Variants in UVRAG observed in about 807,000 individuals in gnomAD.
UVRAG encodes the protein UV radiation resistance associated.
A neutral mutation model predicts 78.0 loss-of-function variants in UVRAG; 19 were observed. The ratio of observed to expected loss-of-function variants is 0.24; its 90% CI spans 0.17 to 0.36. The LOEUF (loss-of-function observed/expected upper bound fraction) is 0.36. Ranked by LOEUF, UVRAG falls within the 10% of genes least tolerant of loss-of-function variation. The probability of loss-of-function intolerance (pLI) is 1.00; values close to 1 mark genes in which losing one functional copy is unlikely to be tolerated. For missense variants in UVRAG, 740 were observed against 853.8 expected, an observed-to-expected ratio of 0.87 and a Z score of 1.66; for synonymous variants, 323 against 324.6, an observed-to-expected ratio of 1.00 and a Z score of 0.05.
rs1945238553 is a variant in UVRAG, at chr11:75,815,451, C to T, written c.44C>T (p.Pro15Leu). 1 of 1,248,444 alleles carries T rather than the reference C, an allele frequency of 8.0e-7. No individual in the cohort carries two copies. The highest frequency in any genetic ancestry group is 1.5e-5 in the African/African-American group (1 of 64,604). The allele number at this position is 1,248,444 out of a possible 1,614,324, so 77.3% of individuals were successfully genotyped here. ...ASVGGPVPQP[P>L]PGPAAALPPG... Reference sequence around the variant, plus strand: ...GTCGGGGGCCCCGTCCCCCAGCCACCCCCGGGCCCGGCCGCTGCTCTGCCT... The same window carrying T: ...GTCGGGGGCCCCGTCCCCCAGCCACTCCCGGGCCCGGCCGCTGCTCTGCCT... Residue 15 changes from proline to leucine, a missense_variant, in exon 1 of 15, where the codon CCC becomes CTC. Pro to Leu is a moderately conservative substitution (Grantham distance 98). Transcript: ENST00000356136.
intron 4 of UVRAG, among the ~76,000 whole-genome samples, chr11:75,887,887 T>A (rs1434529487): frequency 6.6e-6 from 1 of 150,408 alleles, no homozygotes; most frequent in Non-Finnish European, 1.5e-5. Context: ...CCTCAGTTCC[T>A]TAATTTTTAA....
At chr11:76,027,641 G>A (rs997205460) in intron 12 of UVRAG, among the ~76,000 whole-genome samples, 2 of 152,012 alleles carry the variant, frequency 1.3e-5, no homozygotes, top group African/African-American at 4.8e-5. Flanking sequence ...AATAAGCGCA[G>A]TGCTTGGCAT....
rs574226755 is a variant in UVRAG, at chr11:76,038,259, G to A, written c.1226+21279G>A. The stretch of plus-strand genomic sequence containing the variant: ...AGACATCTTGCTTACTCAAGCATTA[G>A]GTCTACTGGAGATAGAATTAACACA... On this transcript the variant is annotated intron_variant, in intron 12 of 14. Coordinates refer to ENST00000356136, the MANE Select transcript of UVRAG (RefSeq NM_003369.4). Among the ~76,000 whole-genome samples the A allele has an allele frequency of 8.6e-5, 13 of 152,022 alleles. No individual in the cohort carries two copies. In the South Asian group the frequency reaches 2.5e-3, roughly 29 times the overall value.
At chr11:76,055,231 A>G (rs1359016815) in intron 12 of UVRAG, among the ~76,000 whole-genome samples, 1 of 152,070 alleles carries the variant, frequency 6.6e-6, no homozygotes, top group Non-Finnish European at 1.5e-5. Context: ...TATTTTTAGT[A>G]GAGACAGGAT....
intron 1 of UVRAG, among the ~76,000 whole-genome samples, chr11:75,843,848 A>G (rs1056710034): frequency 6.6e-6 from 1 of 151,878 alleles, no homozygotes; most frequent in African/African-American, 2.4e-5. Context: ...AGTTCCAGCA[A>G]CTCAGGAGGC....
chr11:76,106,750 A>G (rs144143795), intron 13 of UVRAG, among the ~76,000 whole-genome samples: 186 of 152,266 alleles, frequency 1.2e-3, no homozygotes, highest in Admixed American at 0.011. Flanking sequence ...CCAAAGGTCA[A>G]TACAGGGTAT....
chr11:75,816,852 A>T (rs756134800), intron 1 of UVRAG, among the ~76,000 whole-genome samples: 9 of 152,194 alleles, frequency 5.9e-5, no homozygotes, highest in Non-Finnish European at 7.3e-5. Flanking sequence ...ATTTGAGTGC[A>T]GTAAAGGAGG....
At chr11:76,129,451 T>C (rs1952473926) in intron 14 of UVRAG, among the ~76,000 whole-genome samples, 1 of 152,210 alleles carries the variant, frequency 6.6e-6, no homozygotes, top group African/African-American at 2.4e-5. Flanking sequence ...AGGCCCTTTT[T>C]TCTCTCACTT....
rs540061904 is a variant in UVRAG, at chr11:75,886,146, A to T, written c.433-2683A>T. 2.6e-5 allele frequency among the ~76,000 whole-genome samples: 4 copies of T among 152,234 alleles called. No individual in the cohort carries two copies. The South Asian group carries it at 8.3e-4, about 32-fold the overall frequency. On this transcript the variant is annotated intron_variant, in intron 4 of 14. Coordinates refer to ENST00000356136, the MANE Select transcript of UVRAG (RefSeq NM_003369.4). ...TAAAGTTGGAATTAGAACTCAGGTT[A>T]CTTACTTTTTAACCCCGTATCTTTT...
intron 5 of UVRAG, among the ~76,000 whole-genome samples, chr11:75,891,865 G>A (rs1281845662): frequency 6.6e-6 from 1 of 152,054 alleles, no homozygotes; most frequent in East Asian, 1.9e-4. Context: ...AGTGAACCCT[G>A]ATGGCGCCAC....
chr11:75,923,199 G>C (rs1391082886), intron 6 of UVRAG, among the ~76,000 whole-genome samples: 1 of 151,504 alleles, frequency 6.6e-6, no homozygotes, highest in Non-Finnish European at 1.5e-5. Context: ...TGAATTTTTT[G>C]AAATGCCTTT....
chr11:76,088,960 C>T (rs1951645075), intron 13 of UVRAG, among the ~76,000 whole-genome samples: 1 of 152,218 alleles, frequency 6.6e-6, no homozygotes. Context: ...GTTCATTCAT[C>T]TCTTTATCCA....
intron 8 of UVRAG, among the ~76,000 whole-genome samples, chr11:75,995,204 C>T (rs1949682313): frequency 6.7e-6 from 1 of 149,292 alleles, no homozygotes; most frequent in African/African-American, 2.5e-5. Context: ...AATCTTTGAC[C>T]CAAGTGTGTC....
chr11:76,091,845 T>A (rs911515326), intron 13 of UVRAG, among the ~76,000 whole-genome samples: 4 of 152,100 alleles, frequency 2.6e-5, no homozygotes, highest in African/African-American at 4.8e-5. Context: ...TTGTTTTTTT[T>A]TTATTATTCT....
chr11:76,091,809 A>C (rs1951703173), intron 13 of UVRAG, among the ~76,000 whole-genome samples: 1 of 151,786 alleles, frequency 6.6e-6, no homozygotes, highest in Non-Finnish European at 1.5e-5. Context: ...CTTTTCTTAG[A>C]AGTTTGGAGA....
chr11:76,033,433 A>G (rs1282035867), intron 12 of UVRAG, among the ~76,000 whole-genome samples: 3 of 152,136 alleles, frequency 2.0e-5, no homozygotes, highest in Non-Finnish European at 4.4e-5. Context: ...TCCAGTAGAA[A>G]TGAGACTCAT....
chr11:76,128,819 C>T (rs1339674534), intron 14 of UVRAG, among the ~76,000 whole-genome samples: 8 of 152,046 alleles, frequency 5.3e-5, no homozygotes. Context: ...AGATATAATT[C>T]CCTGTGTTTT....
At chr11:75,993,038 A>G (rs1461825947) in intron 8 of UVRAG, among the ~76,000 whole-genome samples, 3 of 152,182 alleles carry the variant, frequency 2.0e-5, no homozygotes, top group Non-Finnish European at 4.4e-5. Context: ...AGTCAGTACT[A>G]TATCATATTT....
intron 6 of UVRAG, among the ~76,000 whole-genome samples, chr11:75,925,726 C>T (rs1689514909): frequency 6.6e-6 from 1 of 152,200 alleles, no homozygotes; most frequent in Non-Finnish European, 1.5e-5. Flanking sequence ...TAAAAATTTT[C>T]ACTTAAATAC....
Sources: gnomAD v4.1 joint callset for allele counts (sites outside exome capture counted in the v4.1 genomes callset) on GRCh38, gnomAD v4.1.1 for gene constraint, MANE v1.5 for transcripts, NCBI Gene and HGNC (gene_info 2026-07-23, HGNC 2026-07-21) for gene names.